Variants in SAMD8 observed in about 807,000 individuals in gnomAD.
SAMD8 encodes sphingomyelin synthase-related protein 1.
A neutral mutation model predicts 42.0 loss-of-function variants in SAMD8; 20 were observed. The ratio of observed to expected loss-of-function variants is 0.48; its 90% CI spans 0.34 to 0.69. The LOEUF (loss-of-function observed/expected upper bound fraction) is 0.69. Among genes scored for constraint, SAMD8 ranks in the 30% least tolerant of loss-of-function variants. The pLI is 0.01. For synonymous variants in SAMD8, 162 were observed against 173.0 expected, an observed-to-expected ratio of 0.94 and a Z score of 0.50; for missense variants, 328 against 511.6, an observed-to-expected ratio of 0.64 and a Z score of 3.46.
chr10:75,136,213 A>G (rs992373019), intron 1 of SAMD8, among the ~76,000 whole-genome samples: 1 of 152,104 alleles, frequency 6.6e-6, no homozygotes, highest in East Asian at 1.9e-4. Context: ...GCCAGATCAG[A>G]GCTTTTGTTT....
chr10:75,168,514 TC>T (rs765941745), intron 3 of SAMD8, 26 bp from the exon 4 acceptor site: 2 of 1,605,780 alleles, frequency 1.2e-6, no homozygotes, highest in Non-Finnish European at 1.7e-6. Context: ...TTCTGATCTT[TC>T]CCCCTTTTTG....
chr10:75,128,073 A>ATTT (rs11353511), intron 1 of SAMD8, among the ~76,000 whole-genome samples: 21 of 119,240 alleles, frequency 1.8e-4, no homozygotes, highest in African/African-American at 2.3e-4. Context: ...TTCTTCTTTA[A>ATTT]TTTTTTTTTT....
In SAMD8 at chr10:75,178,078, A is replaced by G. The variant is rs984048313; in HGVS notation, c.*1386A>G. On this transcript the variant is annotated 3_prime_UTR_variant, in exon 6 of 6. Coordinates refer to ENST00000542569, the MANE Select transcript of SAMD8 (RefSeq NM_001174156.2). ...GGCCTGCAATTAGGCCACATAGCAG[A>G]AGCTTGCTCCTTCCTTATCTGGGTG... is the stretch of plus-strand genomic sequence containing the variant. 7 of 152,188 alleles carry G rather than the reference A, an allele frequency of 4.6e-5. No homozygotes were observed. The highest frequency in any genetic ancestry group is 1.7e-4 in the African/African-American group (7 of 41,456). 9.4% of individuals were successfully genotyped at this position (152,188 alleles called of 1,614,324 possible).
chr10:75,116,111 T>A (rs1227678219), intron 1 of SAMD8, among the ~76,000 whole-genome samples: 2 of 152,044 alleles, frequency 1.3e-5, no homozygotes, highest in South Asian at 2.1e-4. Flanking sequence ...TGGTAGTTTT[T>A]TTTTTTTAAA....
At chr10:75,163,768 CCTCT>C (rs1564693387) in intron 2 of SAMD8, among the ~76,000 whole-genome samples, 1 of 151,964 alleles carries the variant, frequency 6.6e-6, no homozygotes, top group East Asian at 1.9e-4. Flanking sequence ...TTTTTCTCTC[CCTCT>C]CTCTCCTTTT....
chr10:75,149,872 T>C (rs144618405), intron 1 of SAMD8, among the ~76,000 whole-genome samples: 2 of 152,248 alleles, frequency 1.3e-5, no homozygotes, highest in African/African-American at 4.8e-5. Flanking sequence ...AATGTCGTTC[T>C]GTAAAAATGT....
At chr10:75,139,248 C>T (rs1185493667) in intron 1 of SAMD8, among the ~76,000 whole-genome samples, 3 of 151,952 alleles carry the variant, frequency 2.0e-5, no homozygotes, top group Non-Finnish European at 4.4e-5. Context: ...GGATTATAGG[C>T]GTGGGTCACC....
upstream of SAMD8, chr10:75,111,477 G>A (rs376077087): frequency 2.4e-3 from 2,915 of 1,220,572 alleles, 181 homozygotes; most frequent in South Asian, 0.099. Context: ...GGCCGGTAGG[G>A]CCCCGCCTCC....
chr10:75,118,243 A>G lies in SAMD8; in HGVS notation c.-16+6521A>G, dbSNP rs1284512637. The stretch of plus-strand genomic sequence containing the variant: ...TAACAAAACAGAAAATCACCACTAA[A>G]GAGTTTCAAAATGGATGGTAGGAGT... On this transcript the variant is annotated intron_variant, in intron 1 of 5. Coordinates refer to ENST00000542569, the MANE Select transcript of SAMD8 (RefSeq NM_001174156.2). 2.6e-5 allele frequency among the ~76,000 whole-genome samples: 4 copies of G among 152,228 alleles called. No homozygotes were observed. The East Asian group carries it at 7.7e-4, about 29-fold the overall frequency.
At chr10:75,144,213 T>C (rs1326796395) in intron 1 of SAMD8, among the ~76,000 whole-genome samples, 1 of 151,954 alleles carries the variant, frequency 6.6e-6, no homozygotes, top group East Asian at 1.9e-4. Context: ...CGTGACCGCC[T>C]ACCTCGGCCT....
chr10:75,103,572 G>C (rs1243093541), intron 1 of SAMD8, among the ~76,000 whole-genome samples: 2 of 152,204 alleles, frequency 1.3e-5, no homozygotes, highest in Non-Finnish European at 2.9e-5. Context: ...AATCTTCTCT[G>C]TCATCCACAG....
chr10:75,149,362 T>C (rs1840226514), intron 1 of SAMD8, among the ~76,000 whole-genome samples: 2 of 152,218 alleles, frequency 1.3e-5, no homozygotes, highest in African/African-American at 2.4e-5. Context: ...GGCCTTTTAT[T>C]CTGCAGTATA....
At chr10:75,166,317 G>T (rs968652567) in intron 3 of SAMD8, among the ~76,000 whole-genome samples, 1 of 151,346 alleles carries the variant, frequency 6.6e-6, no homozygotes, top group African/African-American at 2.4e-5. Flanking sequence ...AAAATTTAAA[G>T]ATAAAATTAG....
chr10:75,161,175 G>A (rs1030150777), intron 2 of SAMD8, among the ~76,000 whole-genome samples: 5 of 152,176 alleles, frequency 3.3e-5, no homozygotes, highest in Non-Finnish European at 7.4e-5. Context: ...TAGGGATACC[G>A]TGTCCAGATG....
rs1841076088 is a variant in SAMD8 at position 75,181,210 on chromosome 10, A to G, written c.*4518A>G. ...AGCAAAGGTGTCAATTTTAATGCCA[A>G]CTTGACAGTTTAACAGTTAGTGTTT... On this transcript the variant is annotated 3_prime_UTR_variant, in exon 6 of 6. Coordinates refer to ENST00000542569, the MANE Select transcript of SAMD8 (RefSeq NM_001174156.2). 6.6e-6 allele frequency: 1 copy of G among 152,216 alleles called. No homozygotes were observed. The highest frequency in any genetic ancestry group is 6.5e-5 in the Admixed American group (1 of 15,282). 9.4% of individuals were successfully genotyped at this position (152,216 alleles called of 1,614,324 possible). A position where few individuals can be genotyped will look rare whatever the true frequency, so the allele number is the denominator to read the frequency against.
intron 2 of SAMD8, among the ~76,000 whole-genome samples, chr10:75,159,407 TA>T (rs775423802): frequency 4.7e-4 from 71 of 152,256 alleles, no homozygotes; most frequent in Middle Eastern, 3.4e-3. Context: ...AAATTTTGCC[TA>T]ATTCTTTTTA....
chr10:75,170,624 A>G (rs1289373197), intron 4 of SAMD8, among the ~76,000 whole-genome samples: 4 of 151,766 alleles, frequency 2.6e-5, no homozygotes, highest in Non-Finnish European at 5.9e-5. Flanking sequence ...TAAAAATTCA[A>G]ATTATATAGA....
chr10:75,175,942 T>C (rs1390024349), intron 4 of SAMD8, 124 bp from the exon 5 acceptor site: 8 of 1,501,424 alleles, frequency 5.3e-6, no homozygotes, highest in Non-Finnish European at 7.1e-6. Context: ...ACTGAAGGCC[T>C]AGATGCTTTG....
intron 2 of SAMD8, among the ~76,000 whole-genome samples, chr10:75,151,592 T>A (rs1199451318): frequency 2.0e-5 from 3 of 152,170 alleles, no homozygotes; most frequent in African/African-American, 7.2e-5. Flanking sequence ...GCTGAAACGA[T>A]CCTCCCACCT....
Sources: gnomAD v4.1 joint callset for allele counts (sites outside exome capture counted in the v4.1 genomes callset) on GRCh38, gnomAD v4.1.1 for gene constraint, MANE v1.5 for transcripts, NCBI Gene and HGNC (gene_info 2026-07-23, HGNC 2026-07-21) for gene names.